The following DIS3L2 variants were observed in gnomAD, a reference collection of about 807,000 sequenced individuals.
The protein encoded by DIS3L2 is DIS3-like exonuclease 2.
A neutral mutation model predicts 97.5 loss-of-function variants in DIS3L2; 34 were observed. The observed-to-expected ratio is 0.35, with a 90% CI of 0.27 to 0.46. The LOEUF (loss-of-function observed/expected upper bound fraction) is 0.46, where lower values mean the gene tolerates loss of function less well. Ranked by LOEUF, DIS3L2 falls within the 20% of genes least tolerant of loss-of-function variation. The pLI, the probability that DIS3L2 is intolerant of heterozygous loss-of-function variation, is 1.00. For missense variants in DIS3L2, 1,038 were observed against 1,146.0 expected (o/e 0.91, Z 1.36); for synonymous variants, 435 against 445.2 (o/e 0.98, Z 0.29).
At chr2:232,044,539 G>T (rs966799437) in intron 5 of DIS3L2, among the ~76,000 whole-genome samples, 1 of 152,068 alleles carries the variant, frequency 6.6e-6, no homozygotes, top group Non-Finnish European at 1.5e-5. Context: ...TGATAAACTT[G>T]TTTCGACATG....
At chr2:232,007,264 A>G (rs867060527) in intron 1 of DIS3L2, among the ~76,000 whole-genome samples, 2 of 152,222 alleles carry the variant, frequency 1.3e-5, no homozygotes, top group African/African-American at 2.4e-5. Context: ...CTAAAATAGA[A>G]AGCGAAGATA....
intron 3 of DIS3L2, among the ~76,000 whole-genome samples, chr2:232,016,978 A>G (rs1423491419): frequency 7.7e-6 from 1 of 129,198 alleles, no homozygotes. Context: ...ACCTTTCTGT[A>G]TTTATCTGTG....
intron 13 of DIS3L2, among the ~76,000 whole-genome samples, chr2:232,291,365 A>T (rs1460656398): frequency 6.6e-6 from 1 of 152,272 alleles, no homozygotes; most frequent in Non-Finnish European, 1.5e-5. Context: ...CTGCAGGTAG[A>T]AGTAACTTTT....
At chr2:232,058,714 A>G (rs1380233720) in intron 5 of DIS3L2, among the ~76,000 whole-genome samples, 2 of 152,056 alleles carry the variant, frequency 1.3e-5, no homozygotes, top group Non-Finnish European at 2.9e-5. Context: ...TACTTTTCCC[A>G]GTGTGCACAC....
At chr2:232,128,267 A>G (rs375348876) in intron 6 of DIS3L2, among the ~76,000 whole-genome samples, 43 of 151,952 alleles carry the variant, frequency 2.8e-4, no homozygotes, top group South Asian at 2.7e-3. Flanking sequence ...ATAATTTTAT[A>G]TTTATTGAGT....
rs373218095 is a variant in DIS3L2, at chr2:232,100,546, A to G, written c.601+12825A>G. Among the ~76,000 whole-genome samples the G allele has an allele frequency of 3.3e-5, 5 of 151,982 alleles. No homozygotes were observed. The East Asian group carries it at 5.8e-4, about 18-fold the overall frequency. ...TACCTCTAAATACTTCTTTAGCTCTATTCTACAGATTTTTATGTCCAGTGT... is the reference window on the plus strand; with the variant it reads ...TACCTCTAAATACTTCTTTAGCTCTGTTCTACAGATTTTTATGTCCAGTGT... On this transcript the variant is annotated intron_variant, in intron 6 of 20. Coordinates refer to ENST00000325385, the MANE Select transcript of DIS3L2 (RefSeq NM_152383.5).
chr2:232,333,180 C>T (rs1245376471), intron 16 of DIS3L2, among the ~76,000 whole-genome samples: 2 of 6,116 alleles, frequency 3.3e-4, no homozygotes, highest in African/African-American at 1.1e-3. Context: ...GCTGTCGCCT[C>T]CTCCTCCTCC....
chr2:232,297,226 T>C (rs1694745187), intron 13 of DIS3L2, among the ~76,000 whole-genome samples: 1 of 152,170 alleles, frequency 6.6e-6, no homozygotes, highest in Non-Finnish European at 1.5e-5. Flanking sequence ...TCAGAGCTGG[T>C]CTTTCTGCCC....
At chr2:231,991,255 C>T (rs1231901710) in intron 1 of DIS3L2, among the ~76,000 whole-genome samples, 1 of 152,026 alleles carries the variant, frequency 6.6e-6, no homozygotes, top group Non-Finnish European at 1.5e-5. Context: ...ATTTTGACGG[C>T]AACTATTATT....
chr2:232,201,845 G>A (rs188300463), intron 9 of DIS3L2, among the ~76,000 whole-genome samples: 37 of 152,228 alleles, frequency 2.4e-4, no homozygotes, highest in Middle Eastern at 3.4e-3. Flanking sequence ...AGGGATGGAA[G>A]GAGGAAAAAA....
At chr2:232,329,785 T>TGCCGGGGGGGGGCGCCC in intron 14 of DIS3L2, 28 bp from the exon 15 acceptor site, 2 of 967,144 alleles carry the variant, frequency 2.1e-6, no homozygotes, top group Non-Finnish European at 2.9e-6. Flanking sequence ...ACCCCAGCGG[T>TGCCGGGGGGGGGCGCCC]CCCTCCCATC....
At chr2:232,295,828 C>G (rs1281999056) in intron 13 of DIS3L2, among the ~76,000 whole-genome samples, 1 of 152,224 alleles carries the variant, frequency 6.6e-6, no homozygotes, top group African/African-American at 2.4e-5. Context: ...GGAATGTTCT[C>G]TGTTACTTGA....
chr2:232,327,457 G>T (rs548494971), intron 14 of DIS3L2, among the ~76,000 whole-genome samples: 4 of 152,250 alleles, frequency 2.6e-5, no homozygotes, highest in Non-Finnish European at 5.9e-5. Context: ...ACCGTGCCTG[G>T]CACATAGTAG....
At chr2:232,098,458 A>G (rs954465394) in intron 6 of DIS3L2, among the ~76,000 whole-genome samples, 1 of 151,084 alleles carries the variant, frequency 6.6e-6, no homozygotes, top group Non-Finnish European at 1.5e-5. Context: ...GGTTCAAACG[A>G]TTATCCTGCC....
downstream of DIS3L2, among the ~76,000 whole-genome samples, chr2:232,337,374 T>G (rs1409865785): frequency 6.6e-6 from 1 of 151,984 alleles, no homozygotes; most frequent in African/African-American, 2.4e-5. Context: ...TGTGCCCAGC[T>G]CTGGTGTGAG....
At chr2:232,090,522 C>T (rs1374821342) in intron 6 of DIS3L2, among the ~76,000 whole-genome samples, 1 of 152,120 alleles carries the variant, frequency 6.6e-6, no homozygotes, top group Non-Finnish European at 1.5e-5. Context: ...AAAATCACAG[C>T]ATTTTTAAGG....
chr2:232,099,680 T>G (rs937615801), intron 6 of DIS3L2, among the ~76,000 whole-genome samples: 1 of 152,248 alleles, frequency 6.6e-6, no homozygotes, highest in African/African-American at 2.4e-5. Flanking sequence ...CCCTTGAAAT[T>G]TGGTAGAACT....
intron 5 of DIS3L2, among the ~76,000 whole-genome samples, chr2:232,050,295 G>A (rs1237978319): frequency 1.3e-5 from 2 of 151,644 alleles, no homozygotes; most frequent in Non-Finnish European, 1.5e-5. Context: ...TTTTTGAGAC[G>A]GAGTCTCGCT....
chr2:232,003,938 A>G (rs1423800986), intron 1 of DIS3L2, among the ~76,000 whole-genome samples: 1 of 152,052 alleles, frequency 6.6e-6, no homozygotes, highest in Admixed American at 6.5e-5. Flanking sequence ...TTTTAAAACA[A>G]TTTTCCTTTT....
Sources: gnomAD v4.1 joint callset for allele counts (sites outside exome capture counted in the v4.1 genomes callset) on GRCh38, gnomAD v4.1.1 for gene constraint, MANE v1.5 for transcripts, NCBI Gene and HGNC (gene_info 2026-07-23, HGNC 2026-07-21) for gene names.